AIMP1: variants seen among roughly 807,000 people sequenced by gnomAD.
The protein encoded by AIMP1 is aminoacyl tRNA synthetase complex interacting multifunctional protein 1.
In AIMP1, 24 loss-of-function variants were observed where a neutral mutation model predicts 33.1. That is an observed-to-expected ratio of 0.73 (90% confidence interval 0.53 to 1.02). The LOEUF (loss-of-function observed/expected upper bound fraction) is 1.02. Ranked by LOEUF, AIMP1 falls within the 50% of genes least tolerant of loss-of-function variation. AIMP1 has a pLI of 0.00. For missense variants in AIMP1, 367 were observed against 364.8 expected, an observed-to-expected ratio of 1.01 and a Z score of -0.05; for synonymous variants, 120 against 121.5, an observed-to-expected ratio of 0.99 and a Z score of 0.08.
chr4:106,334,751 C>T (rs1174047133), intron 5 of AIMP1, among the ~76,000 whole-genome samples: 1 of 151,826 alleles, frequency 6.6e-6, no homozygotes, highest in Non-Finnish European at 1.5e-5. Flanking sequence ...ATATAAAGTG[C>T]CCAGGGAAGA....
rs932366263 is a variant in AIMP1 at position 106,336,135 on chromosome 4, C to T, written c.604-734C>T. On this transcript the variant is annotated intron_variant, in intron 5 of 6. Coordinates refer to ENST00000672341, the MANE Select transcript of AIMP1 (RefSeq NM_001142416.2). ...GCTCATTGCAGCCTCCAGGCTCAAG[C>T]GATCCTTCCACCTCAGCCTCCCAAG... is the stretch of plus-strand genomic sequence containing the variant. 4.2e-5 allele frequency among the ~76,000 whole-genome samples: 6 copies of T among 142,796 alleles called. No individual in the cohort carries two copies. The South Asian group carries it at 8.9e-4, about 21-fold the overall frequency. The allele number at this position is 142,796 out of a possible 152,430, so 93.7% of individuals were successfully genotyped here.
chr4:106,345,713 T>TTA (rs1770271815), intron 6 of AIMP1, among the ~76,000 whole-genome samples: 1 of 151,824 alleles, frequency 6.6e-6, no homozygotes, highest in Non-Finnish European at 1.5e-5. Context: ...TTCTTGCAGT[T>TTA]TCATAGTTTC....
chr4:106,345,766 TACACAGTTTTG>T (rs1318208831), intron 6 of AIMP1, among the ~76,000 whole-genome samples: 1 of 151,280 alleles, frequency 6.6e-6, no homozygotes, highest in African/African-American at 2.4e-5. Flanking sequence ...CCAACTAATT[TACACAGTTTTG>T]TTATTCTTAT....
intron 6 of AIMP1, 33 bp downstream of exon 6, chr4:106,337,070 C>A (rs3109954): frequency 6.3e-7 from 1 of 1,585,564 alleles, no homozygotes; most frequent in East Asian, 2.2e-5. Context: ...TTAATAGTTT[C>A]GGAATCAGTT....
intron 6 of AIMP1, among the ~76,000 whole-genome samples, chr4:106,337,774 G>T (rs1476598181): frequency 1.3e-5 from 2 of 152,132 alleles, no homozygotes; most frequent in Admixed American, 1.3e-4. Context: ...GGACTTCCTG[G>T]ATACTTTCAG....
At chr4:106,321,583 G>A in intron 1 of AIMP1, 1 of 152,830 alleles carries the variant, frequency 6.5e-6, no homozygotes, top group South Asian at 2.0e-4. Context: ...GAGGTGGGGG[G>A]CAGCCCCCGC....
At chr4:106,335,252 G>C (rs1769830376) in intron 5 of AIMP1, among the ~76,000 whole-genome samples, 1 of 152,034 alleles carries the variant, frequency 6.6e-6, no homozygotes, top group African/African-American at 2.4e-5. Context: ...AGGAGCCCTG[G>C]AGAAAAGAAC....
intron 5 of AIMP1, among the ~76,000 whole-genome samples, chr4:106,336,030 CTTTTTTTTTTT>C (rs34219049): frequency 3.4e-5 from 2 of 59,390 alleles, no homozygotes; most frequent in South Asian, 7.4e-4. Flanking sequence ...GTTAAATGAT[CTTTTTTTTTTT>C]TTTTTTTTTT....
intron 1 of AIMP1, among the ~76,000 whole-genome samples, chr4:106,320,784 C>G (rs1769188538): frequency 2.0e-5 from 3 of 152,230 alleles, no homozygotes; most frequent in African/African-American, 7.2e-5. Context: ...GCACCGTCTC[C>G]CTCTGATGCC....
upstream of AIMP1, chr4:106,316,282 C>T (rs921062404): frequency 1.2e-4 from 46 of 388,686 alleles, no homozygotes; most frequent in African/African-American, 8.4e-4. Context: ...AAGACCCCGA[C>T]TTGTGGTGTC....
At chr4:106,347,133 A>G (rs964700456) in intron 6 of AIMP1, among the ~76,000 whole-genome samples, 41 of 152,144 alleles carry the variant, frequency 2.7e-4, no homozygotes, top group African/African-American at 8.9e-4. Flanking sequence ...CTATAATCCA[A>G]TCACCTCCAC....
At chr4:106,327,622 C>A in intron 3 of AIMP1, 58 bp downstream of exon 3, 2 of 1,233,084 alleles carry the variant, frequency 1.6e-6, no homozygotes, top group Non-Finnish European at 2.4e-6. Flanking sequence ...CCAGTCACAC[C>A]AACAGTGAGG....
At chr4:106,336,785 A>G (rs1769901653) in intron 5 of AIMP1, 84 bp from the exon 6 acceptor site, 4 of 1,242,874 alleles carry the variant, frequency 3.2e-6, no homozygotes, top group Non-Finnish European at 4.7e-6. Context: ...GATACTTAGC[A>G]TATTAGGTGT....
At chr4:106,342,158 A>G (rs1770122252) in intron 6 of AIMP1, among the ~76,000 whole-genome samples, 1 of 152,178 alleles carries the variant, frequency 6.6e-6, no homozygotes, top group African/African-American at 2.4e-5. Flanking sequence ...AAACTTTACT[A>G]AAGTCATTTA....
chr4:106,347,783 C>A lies in AIMP1; in HGVS notation c.*91C>A. The A allele has an allele frequency of 7.4e-7, 1 of 1,354,258 alleles. No homozygotes were observed. Among genetic ancestry groups the A allele is most frequent in the South Asian group, 1.3e-5 (1 of 77,296 alleles). The allele number at this position is 1,354,258 out of a possible 1,614,324, so 83.9% of individuals were successfully genotyped here. On this transcript the variant is annotated 3_prime_UTR_variant, in exon 7 of 7. Coordinates refer to ENST00000672341, the MANE Select transcript of AIMP1 (RefSeq NM_001142416.2). ...ACTTATACCTAAAATATGAGTGGCT[C>A]ATTTTTGCATTACTCTCTTCTAGAC...
chr4:106,335,906 G>A (rs554998079), intron 5 of AIMP1, among the ~76,000 whole-genome samples: 1 of 150,088 alleles, frequency 6.7e-6, no homozygotes, highest in African/African-American at 2.5e-5. Context: ...GCTAGTTGGA[G>A]AAAAAAATTA....
intron 6 of AIMP1, among the ~76,000 whole-genome samples, chr4:106,347,255 A>G (rs113764368): frequency 6.6e-6 from 1 of 152,280 alleles, no homozygotes; most frequent in African/African-American, 2.4e-5. Flanking sequence ...GATAATTTGG[A>G]TACAATTCAT....
intron 5 of AIMP1, among the ~76,000 whole-genome samples, chr4:106,335,585 A>T (rs1175675016): frequency 6.6e-6 from 1 of 152,188 alleles, no homozygotes; most frequent in Non-Finnish European, 1.5e-5. Context: ...ATTGCATCTT[A>T]CTAATCCTGT....
At position 106,330,661 on chromosome 4, in the gene AIMP1, A is replaced by G. The variant is rs182474146; in HGVS notation, c.392-1011A>G. ...ATACATATACATGTCTGTCTTCTTT[A>G]AAAGAGATTTTGAGTGCCTTGACAA... is the stretch of plus-strand genomic sequence containing the variant. On this transcript the variant is annotated intron_variant, in intron 4 of 6. Coordinates refer to ENST00000672341, the MANE Select transcript of AIMP1 (RefSeq NM_001142416.2). Among the ~76,000 whole-genome samples, 88 of 152,260 alleles carry G rather than the reference A, an allele frequency of 5.8e-4. 3 individuals carry two copies. Among genetic ancestry groups the G allele is most frequent in the Admixed American group, 1.7e-3 (26 of 15,300 alleles).
Sources: gnomAD v4.1 joint callset for allele counts (sites outside exome capture counted in the v4.1 genomes callset) on GRCh38, gnomAD v4.1.1 for gene constraint, MANE v1.5 for transcripts, NCBI Gene and HGNC (gene_info 2026-07-23, HGNC 2026-07-21) for gene names.